Variants in CHST9 observed in about 807,000 individuals in gnomAD.
CHST9 encodes GalNAc-4-sulfotransferase 2.
CHST9 carries 41 observed loss-of-function variants against 44.4 expected under a neutral mutation model. The observed-to-expected ratio is 0.92, with a 90% CI of 0.72 to 1.20. The LOEUF (loss-of-function observed/expected upper bound fraction) is 1.20, where lower values mean the gene tolerates loss of function less well. Among genes scored for constraint, CHST9 ranks in the 50% most tolerant of loss-of-function variants. The pLI, the probability that CHST9 is intolerant of heterozygous loss-of-function variation, is 0.00. For missense variants in CHST9, 504 were observed against 516.5 expected (o/e 0.98, Z 0.23); for synonymous variants, 171 against 178.4 (o/e 0.96, Z 0.33).
intron 2 of CHST9, among the ~76,000 whole-genome samples, chr18:27,126,033 T>G (rs1177640159): frequency 6.6e-6 from 1 of 152,230 alleles, no homozygotes; most frequent in Non-Finnish European, 1.5e-5. Context: ...ACACAAAAAT[T>G]TAGCTACCTT....
intron 3 of CHST9, among the ~76,000 whole-genome samples, chr18:27,036,047 A>G (rs779245965): frequency 8.5e-5 from 13 of 152,226 alleles, no homozygotes; most frequent in Non-Finnish European, 1.6e-4. Flanking sequence ...AAATAAAAAT[A>G]TATAAAATGC....
At chr18:27,003,029 C>T (rs1485952589) in intron 4 of CHST9, among the ~76,000 whole-genome samples, 3 of 152,020 alleles carry the variant, frequency 2.0e-5, no homozygotes, top group African/African-American at 2.4e-5. Flanking sequence ...TTTGACCTAG[C>T]GCTACATAAA....
chr18:26,995,393 G>A (rs570264608), intron 4 of CHST9, among the ~76,000 whole-genome samples: 55 of 147,976 alleles, frequency 3.7e-4, no homozygotes, highest in African/African-American at 1.2e-3. Flanking sequence ...AGCCAAGATC[G>A]CGCCACTACA....
chr18:26,926,533 C>G (rs1278220031), intron 5 of CHST9, among the ~76,000 whole-genome samples: 2 of 152,198 alleles, frequency 1.3e-5, no homozygotes, highest in Non-Finnish European at 2.9e-5. Context: ...ATCATTCTAT[C>G]TTCCTTCCAA....
At chr18:27,129,973 G>A (rs2058457916) in intron 2 of CHST9, among the ~76,000 whole-genome samples, 1 of 152,064 alleles carries the variant, frequency 6.6e-6, no homozygotes, top group African/African-American at 2.4e-5. Context: ...AGCCCTCTTG[G>A]ATCTCAAGAA....
intron 3 of CHST9, among the ~76,000 whole-genome samples, chr18:27,046,792 T>C (rs771089102): frequency 1.3e-5 from 2 of 152,054 alleles, no homozygotes; most frequent in African/African-American, 4.8e-5. Context: ...AACATTCCCC[T>C]AGAATATGGG....
chr18:26,961,094 A>G (rs2056392837), intron 4 of CHST9, among the ~76,000 whole-genome samples: 1 of 152,336 alleles, frequency 6.6e-6, no homozygotes, highest in East Asian at 1.9e-4. Flanking sequence ...GCATACAGAT[A>G]CTAACGTGCC....
intron 2 of CHST9, among the ~76,000 whole-genome samples, chr18:27,127,523 G>A (rs1408694249): frequency 6.6e-6 from 1 of 152,024 alleles, no homozygotes; most frequent in South Asian, 2.1e-4. Flanking sequence ...GTGAGGGTGA[G>A]GATGGTCATA....
chr18:27,009,364 T>C (rs1349943354), intron 4 of CHST9, among the ~76,000 whole-genome samples: 2 of 152,200 alleles, frequency 1.3e-5, no homozygotes, highest in East Asian at 1.9e-4. Flanking sequence ...GGCATTTACA[T>C]GCTCATTTTT....
chr18:27,004,368 C>A (rs1158819968), intron 4 of CHST9, among the ~76,000 whole-genome samples: 1 of 149,732 alleles, frequency 6.7e-6, no homozygotes. Flanking sequence ...TATTATATTT[C>A]TTTCCTTAAC....
chr18:27,116,745 T>C (rs2058324113), intron 2 of CHST9, among the ~76,000 whole-genome samples: 1 of 152,210 alleles, frequency 6.6e-6, no homozygotes, highest in Admixed American at 6.5e-5. Context: ...TATCTTTCCA[T>C]TTATTGAGGT....
chr18:27,124,627 C>T (rs767629618), intron 2 of CHST9, among the ~76,000 whole-genome samples: 1 of 152,242 alleles, frequency 6.6e-6, no homozygotes, highest in Non-Finnish European at 1.5e-5. Context: ...AAAACTACAG[C>T]ATCCTGCTTT....
intron 4 of CHST9, among the ~76,000 whole-genome samples, chr18:26,994,299 C>T (rs1027914484): frequency 5.3e-5 from 8 of 151,960 alleles, no homozygotes; most frequent in African/African-American, 1.9e-4. Context: ...ATTTTCTTTT[C>T]TCTTATAATT....
intron 1 of CHST9, among the ~76,000 whole-genome samples, chr18:27,183,880 T>G (rs1363068747): frequency 6.6e-6 from 1 of 152,158 alleles, no homozygotes; most frequent in African/African-American, 2.4e-5. Context: ...GATTAGGTAC[T>G]GGAATTAACA....
intron 2 of CHST9, among the ~76,000 whole-genome samples, chr18:27,123,915 C>CA (rs2058397114): frequency 6.6e-6 from 1 of 152,214 alleles, no homozygotes; most frequent in East Asian, 1.9e-4. Flanking sequence ...CTCCTCTCTG[C>CA]AGTCCTTGGC....
intron 2 of CHST9, among the ~76,000 whole-genome samples, chr18:27,091,138 T>A (rs2058064541): frequency 6.6e-6 from 1 of 152,202 alleles, no homozygotes; most frequent in African/African-American, 2.4e-5. Context: ...TGGTTTGTAG[T>A]TCTCCTTGAA....
chr18:27,179,971 G>T (rs187647123), intron 1 of CHST9, among the ~76,000 whole-genome samples: 2 of 152,134 alleles, frequency 1.3e-5, no homozygotes, highest in African/African-American at 4.8e-5. Flanking sequence ...AAGTACTTTT[G>T]GGATTTTAGT....
At chr18:27,080,939 G>GTAAAA in intron 2 of CHST9, among the ~76,000 whole-genome samples, 1 of 151,394 alleles carries the variant, frequency 6.6e-6, no homozygotes, top group East Asian at 1.9e-4. Flanking sequence ...TGACCAAGAA[G>GTAAAA]AAATGGAATT....
chr18:26,912,415 A>ACACACC lies in CHST9; in HGVS notation c.*3843_*3844insGGTGTG, dbSNP rs2055454318. 2 of 151,174 alleles carry ACACACC rather than the reference A, an allele frequency of 1.3e-5. No homozygotes were observed. The highest frequency in any genetic ancestry group is 6.6e-5 in the Admixed American group (1 of 15,164). The allele number at this position is 151,174 out of a possible 1,614,324, so 9.4% of individuals were successfully genotyped here. On this transcript the variant is annotated 3_prime_UTR_variant, in exon 6 of 6. Coordinates refer to ENST00000618847, the MANE Select transcript of CHST9 (RefSeq NM_031422.6). Reference sequence around the variant, plus strand: ...CACACACACACACACACACACACAGACACCCATATTTGTATGGAAAAAATT... The same window carrying ACACACC: ...CACACACACACACACACACACACAGACACACCCACCCATATTTGTATGGAAAAAATT...
Sources: gnomAD v4.1 joint callset for allele counts (sites outside exome capture counted in the v4.1 genomes callset) on GRCh38, gnomAD v4.1.1 for gene constraint, MANE v1.5 for transcripts, NCBI Gene and HGNC (gene_info 2026-07-23, HGNC 2026-07-21) for gene names.